SEC24D: variants seen among roughly 807,000 people sequenced by gnomAD.
SEC24D encodes the protein SEC24 homolog D, COPII component, also known as protein transport protein Sec24D.
Under a neutral mutation model 116.9 loss-of-function variants are expected in SEC24D, and 69 were observed. The ratio of observed to expected loss-of-function variants is 0.59; its 90% CI spans 0.49 to 0.72. The LOEUF (loss-of-function observed/expected upper bound fraction) is 0.72. Among genes scored for constraint, SEC24D ranks in the 30% least tolerant of loss-of-function variants. The probability of loss-of-function intolerance (pLI) is 0.00; values close to 1 mark genes in which losing one functional copy is unlikely to be tolerated. For synonymous variants in SEC24D, 405 were observed against 442.8 expected (o/e 0.91, Z 1.07); for missense variants, 1,131 against 1,264.1 (o/e 0.89, Z 1.60).
chr4:118,830,381 A>G (rs1730793866), intron 2 of SEC24D, among the ~76,000 whole-genome samples: 1 of 152,306 alleles, frequency 6.6e-6, no homozygotes, highest in Non-Finnish European at 1.5e-5. Flanking sequence ...TGGGAAACAT[A>G]GGGAGATCCC....
chr4:118,723,778 G>A (rs1725267939), intron 22 of SEC24D, 123 bp from the exon 23 acceptor site: 5 of 1,061,930 alleles, frequency 4.7e-6, no homozygotes, highest in Non-Finnish European at 6.7e-6. Context: ...TGAGGCTATG[G>A]AGGATGATGG....
chr4:118,742,073 T>C lies in SEC24D; in HGVS notation c.1996-1036A>G, dbSNP rs537174204. On this transcript the variant is annotated intron_variant, in intron 15 of 22. Transcript: ENST00000280551. ...TTATAACATTTCTTTTTTAGTAACA[T>C]TGAAAGAATCAGTAATAATTATGGA... Among the ~76,000 whole-genome samples the C allele has an allele frequency of 3.9e-5, 6 of 152,260 alleles. No individual in the cohort carries two copies. In the South Asian group the frequency reaches 6.2e-4, roughly 16 times the overall value.
chr4:118,723,750 T>C, intron 22 of SEC24D, 95 bp from the exon 23 acceptor site: 1 of 1,331,352 alleles, frequency 7.5e-7, no homozygotes, highest in Non-Finnish European at 1.0e-6. Context: ...GCAAACATTA[T>C]TGAATGCCCA....
chr4:118,725,373 CATTTT>C (rs966255218), intron 22 of SEC24D, among the ~76,000 whole-genome samples: 3 of 152,124 alleles, frequency 2.0e-5, no homozygotes, highest in Non-Finnish European at 1.5e-5. Flanking sequence ...GGATTCTTTT[CATTTT>C]ATGTTTTATC....
At chr4:118,790,567 T>C (rs1318967941) in intron 8 of SEC24D, among the ~76,000 whole-genome samples, 1 of 152,088 alleles carries the variant, frequency 6.6e-6, no homozygotes, top group Non-Finnish European at 1.5e-5. Flanking sequence ...GCTGTGGGGA[T>C]GGGTTTCACT....
intron 20 of SEC24D, among the ~76,000 whole-genome samples, chr4:118,732,511 CCT>C (rs1159546995): frequency 2.0e-5 from 3 of 152,160 alleles, no homozygotes; most frequent in African/African-American, 7.2e-5. Flanking sequence ...ACGCAGAACT[CCT>C]CAGATTCCCT....
At chr4:118,812,872 C>T (rs137944781) in intron 6 of SEC24D, among the ~76,000 whole-genome samples, 14 of 152,242 alleles carry the variant, frequency 9.2e-5, no homozygotes, top group African/African-American at 2.2e-4. Context: ...CTGTAACACA[C>T]GCCCACTGGG....
rs189449346 is a variant in SEC24D, at chr4:118,818,806, G to A, written c.249-1394C>T. Among the ~76,000 whole-genome samples, 126 of 151,166 alleles carry A rather than the reference G, an allele frequency of 8.3e-4. 3 individuals are homozygous for A. Among genetic ancestry groups the A allele is most frequent in the Admixed American group, 7.8e-3 (119 of 15,182 alleles). Reference sequence around the variant, plus strand: ...GGTCTTTCCATTCTTTCCATTGTACGCACAAGTACAAGCTATCCTATAGCA... The same window carrying A: ...GGTCTTTCCATTCTTTCCATTGTACACACAAGTACAAGCTATCCTATAGCA... On this transcript the variant is annotated intron_variant, in intron 3 of 22. Coordinates refer to ENST00000280551, the MANE Select transcript of SEC24D (RefSeq NM_014822.4).
chr4:118,737,052 G>A (rs2110436527), intron 19 of SEC24D, among the ~76,000 whole-genome samples: 1 of 152,330 alleles, frequency 6.6e-6, no homozygotes, highest in Non-Finnish European at 1.5e-5. Context: ...TTCAACTAAT[G>A]CTCCTGAAGT....
chr4:118,757,001 G>A (rs577441690), intron 11 of SEC24D, among the ~76,000 whole-genome samples: 1 of 152,084 alleles, frequency 6.6e-6, no homozygotes, highest in South Asian at 2.1e-4. Context: ...CCTGAAATTT[G>A]TTTTGGGCTG....
intron 9 of SEC24D, 76 bp downstream of exon 9, chr4:118,768,097 T>A (rs1051134251): frequency 1.6e-6 from 2 of 1,268,732 alleles, no homozygotes; most frequent in African/African-American, 3.0e-5. Flanking sequence ...GAATGTATGC[T>A]TCTCCTAAAC....
chr4:118,761,954 T>C (rs1727400978), intron 10 of SEC24D, among the ~76,000 whole-genome samples: 1 of 152,218 alleles, frequency 6.6e-6, no homozygotes, highest in African/African-American at 2.4e-5. Flanking sequence ...TTATCAGGTC[T>C]ATACATTGTA....
intron 8 of SEC24D, among the ~76,000 whole-genome samples, chr4:118,784,296 TAAG>T (rs993106977): frequency 6.6e-6 from 1 of 152,128 alleles, no homozygotes; most frequent in African/African-American, 2.4e-5. Flanking sequence ...TAAACTGAAA[TAAG>T]AGGAAAGATG....
At chr4:118,810,192 T>C (rs1729862952) in intron 6 of SEC24D, among the ~76,000 whole-genome samples, 1 of 149,774 alleles carries the variant, frequency 6.7e-6, no homozygotes, top group Admixed American at 6.7e-5. Context: ...TGCAGACTAT[T>C]GTAAGAACTT....
At chr4:118,751,969 T>C (rs1726861030) in intron 13 of SEC24D, 27 bp downstream of exon 13, 1 of 1,391,106 alleles carries the variant, frequency 7.2e-7, no homozygotes, top group African/African-American at 1.4e-5. Context: ...ATTTATTTAC[T>C]AGCAATTAGA....
intron 8 of SEC24D, among the ~76,000 whole-genome samples, chr4:118,774,738 T>C (rs1233308689): frequency 1.3e-5 from 2 of 152,114 alleles, no homozygotes; most frequent in African/African-American, 4.8e-5. Context: ...CTCTGGTCAT[T>C]TCTCTCTTCC....
intron 2 of SEC24D, among the ~76,000 whole-genome samples, chr4:118,832,623 GA>G (rs1236096673): frequency 6.6e-6 from 1 of 152,126 alleles, no homozygotes; most frequent in Non-Finnish European, 1.5e-5. Flanking sequence ...TGCTGTCTGT[GA>G]CCTTAGACAA....
chr4:118,756,563 C>T (rs920763851), intron 11 of SEC24D, among the ~76,000 whole-genome samples: 7 of 152,074 alleles, frequency 4.6e-5, no homozygotes, highest in African/African-American at 1.7e-4. Context: ...GAATGGGCAC[C>T]CAAAGATTCA....
intron 13 of SEC24D, among the ~76,000 whole-genome samples, chr4:118,750,387 G>C (rs902314488): frequency 1.3e-5 from 2 of 152,222 alleles, no homozygotes; most frequent in African/African-American, 4.8e-5. Context: ...TTGTAAGATA[G>C]CATTGCTCCC....
Sources: gnomAD v4.1 joint callset for allele counts (sites outside exome capture counted in the v4.1 genomes callset) on GRCh38, gnomAD v4.1.1 for gene constraint, MANE v1.5 for transcripts, NCBI Gene and HGNC (gene_info 2026-07-23, HGNC 2026-07-21) for gene names.